Variants in CDK19 observed in about 807,000 individuals in gnomAD.
CDK19 encodes the protein cyclin-dependent kinase 19.
In CDK19, 20 loss-of-function variants were observed where a neutral mutation model predicts 68.3. The ratio of observed to expected loss-of-function variants is 0.29; its 90% CI spans 0.21 to 0.43. The LOEUF (loss-of-function observed/expected upper bound fraction) is 0.43. Ranked by LOEUF, CDK19 falls within the 20% of genes least tolerant of loss-of-function variation. CDK19 has a pLI of 1.00. For synonymous variants in CDK19, 221 were observed against 222.8 expected, an observed-to-expected ratio of 0.99 and a Z score of 0.07; for missense variants, 339 against 623.5, an observed-to-expected ratio of 0.54 and a Z score of 4.86.
At chr6:110,705,248 C>T (rs1230121766) in intron 2 of CDK19, among the ~76,000 whole-genome samples, 1 of 152,130 alleles carries the variant, frequency 6.6e-6, no homozygotes, top group Non-Finnish European at 1.5e-5. Flanking sequence ...CCATGTTGGT[C>T]AGGCTGGTCT....
intron 2 of CDK19, among the ~76,000 whole-genome samples, chr6:110,724,451 T>C (rs1582955741): frequency 6.6e-6 from 1 of 152,288 alleles, no homozygotes; most frequent in East Asian, 1.9e-4. Context: ...CAAGGTGGAC[T>C]GTCCAATCTT....
chr6:110,671,379 G>A (rs1771001038), intron 2 of CDK19, among the ~76,000 whole-genome samples: 1 of 152,080 alleles, frequency 6.6e-6, no homozygotes, highest in Non-Finnish European at 1.5e-5. Context: ...GATTTCACAG[G>A]TAAAGAGAAA....
intron 1 of CDK19, among the ~76,000 whole-genome samples, chr6:110,774,888 G>A (rs1780284816): frequency 6.6e-6 from 1 of 152,156 alleles, no homozygotes; most frequent in Admixed American, 6.5e-5. Flanking sequence ...GGTTGGGGCT[G>A]TAGTGAGTCC....
At chr6:110,746,241 C>T (rs375032830) in intron 1 of CDK19, 40 bp from the exon 2 acceptor site, 151 of 1,216,304 alleles carry the variant, frequency 1.2e-4, no homozygotes, top group Non-Finnish European at 1.7e-4. Context: ...CCATATATCA[C>T]TTTCAGATTC....
intron 2 of CDK19, among the ~76,000 whole-genome samples, chr6:110,733,578 C>T (rs1320790732): frequency 6.6e-6 from 1 of 152,160 alleles, no homozygotes; most frequent in Non-Finnish European, 1.5e-5. Flanking sequence ...GTACCAGTTA[C>T]TCCATAACTT....
In CDK19 at chr6:110,629,005, T is replaced by C. The variant is rs575580040; in HGVS notation, c.647-1860A>G. On this transcript the variant is annotated intron_variant, in intron 6 of 12. Coordinates refer to ENST00000368911, the MANE Select transcript of CDK19 (RefSeq NM_015076.5). ...ATCCATTTCTGAATTCTTTTCTGTC[T>C]CCCATGTCATACTGGTTGTCACTCT... 1.4e-3 allele frequency among the ~76,000 whole-genome samples: 218 copies of C among 152,296 alleles called. 1 individual carries two copies. The highest frequency in any genetic ancestry group is 5.0e-3 in the African/African-American group (206 of 41,558).
At chr6:110,723,756 C>T (rs1272240490) in intron 2 of CDK19, among the ~76,000 whole-genome samples, 2 of 152,184 alleles carry the variant, frequency 1.3e-5, no homozygotes, top group African/African-American at 4.8e-5. Context: ...TGAACAAAGC[C>T]ATGCCCACAG....
Position 110,717,015 on chromosome 6 carries a change from CCAG to C in CDK19, c.204+29108_204+29110del, listed in dbSNP as rs1582936149. Among the ~76,000 whole-genome samples, 6 of 152,204 alleles carry C rather than the reference CCAG, an allele frequency of 3.9e-5. 1 individual carries two copies. In the East Asian group the frequency reaches 1.2e-3, roughly 29 times the overall value. On this transcript the variant is annotated intron_variant, in intron 2 of 12. Coordinates refer to ENST00000368911, the MANE Select transcript of CDK19 (RefSeq NM_015076.5). Reference sequence around the variant, plus strand: ...GGCATGGTGGCATGTGCCTGTAGTCCCAGCTACTCTGGAGGCTGAGGCAGGAGA... The same window carrying C: ...GGCATGGTGGCATGTGCCTGTAGTCCCTACTCTGGAGGCTGAGGCAGGAGA...
intron 2 of CDK19, among the ~76,000 whole-genome samples, chr6:110,742,130 G>A (rs1184603839): frequency 6.6e-6 from 1 of 152,188 alleles, no homozygotes; most frequent in East Asian, 1.9e-4. Flanking sequence ...CCCAAAAGGA[G>A]GGACCGGCTG....
intron 11 of CDK19, 84 bp downstream of exon 11, chr6:110,622,004 G>T: frequency 1.4e-6 from 1 of 710,926 alleles, no homozygotes; most frequent in Non-Finnish European, 2.4e-6. Flanking sequence ...GTGGTTAAAT[G>T]TATAGGAATT....
chr6:110,811,129 T>C (rs1783061034), intron 1 of CDK19, among the ~76,000 whole-genome samples: 1 of 152,180 alleles, frequency 6.6e-6, no homozygotes, highest in Non-Finnish European at 1.5e-5. Context: ...AACTAGATGA[T>C]CTAAAACTTT....
chr6:110,746,578 A>T (rs1778092159), intron 1 of CDK19, among the ~76,000 whole-genome samples: 1 of 152,226 alleles, frequency 6.6e-6, no homozygotes, highest in African/African-American at 2.4e-5. Flanking sequence ...GACATTCACT[A>T]TAAAAAACTG....
At chr6:110,753,096 T>A (rs1230976307) in intron 1 of CDK19, among the ~76,000 whole-genome samples, 3 of 151,788 alleles carry the variant, frequency 2.0e-5, no homozygotes, top group Non-Finnish European at 2.9e-5. Context: ...ACCAGGCTAA[T>A]TTTTTGTACT....
chr6:110,646,050 C>T, intron 4 of CDK19: 3 of 904,368 alleles, frequency 3.3e-6, no homozygotes, highest in Admixed American at 2.0e-5. Flanking sequence ...CGAAGCTATC[C>T]CTTTGTTGCC....
rs188394950 is a variant in CDK19 at position 110,791,125 on chromosome 6, C to T, written c.128+23884G>A. ...GGCGGAGGTTGCAGTGAGCCAAGAT[C>T]GCACCACTGCACTCCAGCCTGGACG... On this transcript the variant is annotated intron_variant, in intron 1 of 12. Coordinates refer to ENST00000368911, the MANE Select transcript of CDK19 (RefSeq NM_015076.5). Among the ~76,000 whole-genome samples, 407 of 151,302 alleles carry T rather than the reference C, an allele frequency of 2.7e-3. 3 individuals carry two copies. The highest frequency in any genetic ancestry group is 7.7e-3 in the African/African-American group (316 of 41,264).
chr6:110,624,633 T>C (rs533467883), intron 8 of CDK19, among the ~76,000 whole-genome samples: 125 of 152,296 alleles, frequency 8.2e-4, no homozygotes, highest in African/African-American at 2.8e-3. Flanking sequence ...TACTAAAAAA[T>C]TGTCTTAGCT....
At chr6:110,668,461 G>A (rs974729766) in intron 3 of CDK19, among the ~76,000 whole-genome samples, 1 of 152,180 alleles carries the variant, frequency 6.6e-6, no homozygotes, top group African/African-American at 2.4e-5. Context: ...TAGAAAAATA[G>A]AGTTTATACT....
chr6:110,812,811 G>GT (rs1562308875), intron 1 of CDK19, among the ~76,000 whole-genome samples: 1 of 92,666 alleles, frequency 1.1e-5, no homozygotes, highest in Non-Finnish European at 2.3e-5. Flanking sequence ...GTTTAAAACA[G>GT]TAAAAAAAAA....
intron 1 of CDK19, among the ~76,000 whole-genome samples, chr6:110,799,320 ACT>A (rs1208023408): frequency 6.6e-6 from 1 of 152,078 alleles, no homozygotes; most frequent in Non-Finnish European, 1.5e-5. Flanking sequence ...TACCTGGAAC[ACT>A]GTTTCAAGCA....
Sources: allele counts gnomAD v4.1 joint callset (sites outside exome capture counted in the v4.1 genomes callset), GRCh38; gene constraint gnomAD v4.1.1; transcripts MANE v1.5; gene names NCBI Gene and HGNC (gene_info 2026-07-23, HGNC 2026-07-21).